The following RFTN1 variants were observed in gnomAD, a reference collection of about 807,000 sequenced individuals.
The protein encoded by RFTN1 is raftlin.
In RFTN1, 26 loss-of-function variants were observed where a neutral mutation model predicts 46.5. The ratio of observed to expected loss-of-function variants is 0.56; its 90% CI spans 0.41 to 0.78. The LOEUF (loss-of-function observed/expected upper bound fraction) is 0.78, where lower values mean the gene tolerates loss of function less well. Among genes scored for constraint, RFTN1 ranks in the 30% least tolerant of loss-of-function variants. The probability of loss-of-function intolerance (pLI) is 0.00; values close to 1 mark genes in which losing one functional copy is unlikely to be tolerated. For synonymous variants in RFTN1, 261 were observed against 284.2 expected, an observed-to-expected ratio of 0.92 and a Z score of 0.82; for missense variants, 693 against 718.7, an observed-to-expected ratio of 0.96 and a Z score of 0.41.
In RFTN1 at chr3:16,337,707, A is replaced by G. The variant is rs1489865071; in HGVS notation, c.1147-10831T>C. 6.8e-6 allele frequency among the ~76,000 whole-genome samples: 1 copy of G among 147,886 alleles called. No homozygotes were observed. Among genetic ancestry groups the G allele is most frequent in the Non-Finnish European group, 1.5e-5 (1 of 67,468 alleles). On this transcript the variant is annotated intron_variant, in intron 7 of 9. Transcript: ENST00000334133. This position sits in a 1 kb window ranked among gnomAD's most constrained non-coding sequence, Gnocchi z 5.0. ...CAGTGAGCCCAGATTGCGCCACTGC[A>G]CTCCAGCCTGGCGACAGAGCGAGAC...
At position 16,421,382 on chromosome 3, in the gene RFTN1, C is replaced by T. The variant is rs937643650; in HGVS notation, c.333-11899G>A. On this transcript the variant is annotated intron_variant, in intron 3 of 9. Coordinates refer to ENST00000334133, the MANE Select transcript of RFTN1 (RefSeq NM_015150.2). This position sits in a 1 kb window ranked among gnomAD's most constrained non-coding sequence, Gnocchi z 4.6. ...TTCTTTTCTTTTTGAGATGGTGTCT[C>T]ACTCTGTCGCCCAGGCTGGGGTGCA... 5.3e-5 allele frequency among the ~76,000 whole-genome samples: 8 copies of T among 150,776 alleles called. No homozygotes were observed. The highest frequency in any genetic ancestry group is 8.8e-5 in the Non-Finnish European group (6 of 67,814).
chr3:16,503,593 C>T (rs181249901), intron 1 of RFTN1, among the ~76,000 whole-genome samples: 9 of 152,286 alleles, frequency 5.9e-5, no homozygotes, highest in Admixed American at 3.9e-4. Context: ...ATAGCCAGGA[C>T]TCAGCAGGGC....
chr3:16,493,070 G>C (rs1202312550), intron 2 of RFTN1, among the ~76,000 whole-genome samples: 1 of 152,230 alleles, frequency 6.6e-6, no homozygotes, highest in Non-Finnish European at 1.5e-5. Context: ...GTGAATTTGG[G>C]TGGAGAGGAA....
intron 2 of RFTN1, among the ~76,000 whole-genome samples, chr3:16,439,940 C>T (rs1345458729): frequency 6.6e-6 from 1 of 152,146 alleles, no homozygotes. Context: ...TACAAGGAAA[C>T]GGCATGAGTT....
rs1007109715 is a variant in RFTN1 at position 16,342,230 on chromosome 3, A to T, written c.1147-15354T>A. ...CCCCACCCACCCCGAGGCAACCACG[A>T]GTCCACTTTTTGTCTCTATGCACTT... On this transcript the variant is annotated intron_variant, in intron 7 of 9. Coordinates refer to ENST00000334133, the MANE Select transcript of RFTN1 (RefSeq NM_015150.2). This position sits in a 1 kb window ranked among gnomAD's most constrained non-coding sequence, Gnocchi z 4.0. Among the ~76,000 whole-genome samples, 2 of 151,524 alleles carry T rather than the reference A, an allele frequency of 1.3e-5. No individual in the cohort carries two copies. Among genetic ancestry groups the T allele is most frequent in the African/African-American group, 4.8e-5 (2 of 41,254 alleles).
At position 16,479,594 on chromosome 3, in the gene RFTN1, T is replaced by C. The variant is rs1040988848; in HGVS notation, c.145+14131A>G. On this transcript the variant is annotated intron_variant, in intron 2 of 9. Coordinates refer to ENST00000334133, the MANE Select transcript of RFTN1 (RefSeq NM_015150.2). The surrounding 1 kb of genome is among the most constrained non-coding windows in gnomAD (Gnocchi z 5.1). ...TTTCACACACTTCATCTCGACCATT[T>C]CTCACCAAGCAAGCCATGATGGACT... is the stretch of plus-strand genomic sequence containing the variant. Among the ~76,000 whole-genome samples, 4 of 152,180 alleles carry C rather than the reference T, an allele frequency of 2.6e-5. No individual in the cohort carries two copies. The highest frequency in any genetic ancestry group is 2.6e-4 in the Admixed American group (4 of 15,286).
At chr3:16,495,334 G>A (rs2076606880) in intron 1 of RFTN1, among the ~76,000 whole-genome samples, 1 of 152,248 alleles carries the variant, frequency 6.6e-6, no homozygotes, top group African/African-American at 2.4e-5. Flanking sequence ...AAGCTTCTAA[G>A]TGTTGGGAAC....
chr3:16,495,586 CA>C (rs5846927), intron 1 of RFTN1, among the ~76,000 whole-genome samples: 57,040 of 152,018 alleles, frequency 0.38, 10,819 homozygotes, highest in South Asian at 0.5. Flanking sequence ...CTTTGCTGGA[CA>C]GATCCCAAAT....
rs551601938 is a variant in RFTN1 at position 16,386,296 on chromosome 3, G to A, written c.442-8194C>T. 3.0e-4 allele frequency among the ~76,000 whole-genome samples: 46 copies of A among 152,348 alleles called. No individual in the cohort carries two copies. The South Asian group carries it at 3.9e-3, about 13-fold the overall frequency. On this transcript the variant is annotated intron_variant, in intron 4 of 9. Transcript: ENST00000334133. ...AAGAGCAAATGTTCAGTGTGCTTGA[G>A]CTGAAATTCTGTAATCACAATTTAC...
intron 7 of RFTN1, among the ~76,000 whole-genome samples, chr3:16,340,801 G>A (rs1173734428): frequency 1.3e-5 from 2 of 152,154 alleles, no homozygotes; most frequent in African/African-American, 4.8e-5. Context: ...AGTCAAAGGT[G>A]AAATTTGTTT....
chr3:16,318,270 G>A (rs1377311818), intron 9 of RFTN1, among the ~76,000 whole-genome samples: 1 of 152,092 alleles, frequency 6.6e-6, no homozygotes, highest in Non-Finnish European at 1.5e-5. Context: ...TTCCCACCAT[G>A]GCCACTTCCT....
In RFTN1 at chr3:16,344,963, A is replaced by G. The variant is rs755052413; in HGVS notation, c.1146+12969T>C. Among the ~76,000 whole-genome samples, 1 of 152,246 alleles carries G rather than the reference A, an allele frequency of 6.6e-6. No homozygotes were observed. ...TCTCTTCATCTGTGGCTCTCAAACT[A>G]TGCATTTTAAGCTCTTTTAGGGGGC... On this transcript the variant is annotated intron_variant, in intron 7 of 9. Transcript: ENST00000334133. This position sits in a 1 kb window ranked among gnomAD's most constrained non-coding sequence, Gnocchi z 4.4.
rs932403017 is a variant in RFTN1 at position 16,385,157 on chromosome 3, GC to G, written c.442-7056del. Among the ~76,000 whole-genome samples, 22 of 152,308 alleles carry G rather than the reference GC, an allele frequency of 1.4e-4. No homozygotes were observed. Among genetic ancestry groups the G allele is most frequent in the African/African-American group, 5.3e-4 (22 of 41,560 alleles). On this transcript the variant is annotated intron_variant, in intron 4 of 9. Transcript: ENST00000334133. This position sits in a 1 kb window ranked among gnomAD's most constrained non-coding sequence, Gnocchi z 5.0. ...AGGTGTCAAGAACAGGTACAAAAAT[GC>G]CATTCTGGGTTGCAGTTACACATGA...
At chr3:16,493,323 G>A (rs1286685941) in intron 2 of RFTN1, among the ~76,000 whole-genome samples, 3 of 151,126 alleles carry the variant, frequency 2.0e-5, no homozygotes, top group South Asian at 2.1e-4. Context: ...CCTCCGCCTC[G>A]TGGGTTCAAG....
rs552424093 is a variant in RFTN1, at chr3:16,419,605, C to G, written c.333-10122G>C. Among the ~76,000 whole-genome samples, 35 of 150,980 alleles carry G rather than the reference C, an allele frequency of 2.3e-4. No individual in the cohort carries two copies. In the South Asian group the frequency reaches 4.4e-3, roughly 19 times the overall value. On this transcript the variant is annotated intron_variant, in intron 3 of 9. Transcript: ENST00000334133. ...AAAGGTTTCCCATAATTTTATGAAC[C>G]CTCTTTGCAAAATGAACCAAATCTA... is the stretch of plus-strand genomic sequence containing the variant.
intron 7 of RFTN1, chr3:16,347,672 C>T (rs1189425800): frequency 2.0e-5 from 3 of 152,254 alleles, no homozygotes; most frequent in African/African-American, 7.2e-5. Context: ...GGAGCTTTCT[C>T]TGTGAAAGGG....
chr3:16,431,491 C>CA (rs2075386573), intron 3 of RFTN1, among the ~76,000 whole-genome samples: 1 of 150,214 alleles, frequency 6.7e-6, no homozygotes, highest in African/African-American at 2.4e-5. Flanking sequence ...TGTTGCTCCA[C>CA]AGCAGGGAGA....
rs1234095041 is a variant in RFTN1 at position 16,446,378 on chromosome 3, G to A, written c.146-12341C>T. 6.6e-6 allele frequency among the ~76,000 whole-genome samples: 1 copy of A among 151,534 alleles called. No individual in the cohort carries two copies. Among genetic ancestry groups the A allele is most frequent in the Non-Finnish European group, 1.5e-5 (1 of 67,952 alleles). ...AGGTACCGTTAGGGAAATTCACATT[G>A]TCGTGCAACCATCACCACCATCTAT... On this transcript the variant is annotated intron_variant, in intron 2 of 9. Coordinates refer to ENST00000334133, the MANE Select transcript of RFTN1 (RefSeq NM_015150.2). This position sits in a 1 kb window ranked among gnomAD's most constrained non-coding sequence, Gnocchi z 4.5.
chr3:16,373,616 C>T (rs915640696), intron 5 of RFTN1, among the ~76,000 whole-genome samples: 1 of 152,184 alleles, frequency 6.6e-6, no homozygotes, highest in Admixed American at 6.5e-5. Flanking sequence ...ACTGGCTGGG[C>T]CCTGCTGTCC....
Sources: allele counts gnomAD v4.1 joint callset (sites outside exome capture counted in the v4.1 genomes callset), GRCh38; gene constraint gnomAD v4.1.1; non-coding constraint Gnocchi (gnomAD v3.1); transcripts MANE v1.5; gene names NCBI Gene and HGNC (gene_info 2026-07-23, HGNC 2026-07-21).